Variants in RB1CC1 observed in about 807,000 individuals in gnomAD.
The protein encoded by RB1CC1 is RB1 inducible coiled-coil 1, also known as RB1-inducible coiled-coil protein 1.
Under a neutral mutation model 177.5 loss-of-function variants are expected in RB1CC1, and 46 were observed. The ratio of observed to expected loss-of-function variants is 0.26; its 90% confidence interval spans 0.20 to 0.33. The LOEUF is 0.33. RB1CC1 is among the 10% of genes least tolerant of loss of function. RB1CC1 has a pLI of 1.00. For synonymous variants in RB1CC1, 666 were observed against 613.6 expected (o/e 1.09, Z -1.26); for missense variants, 1,703 against 1,816.3 (o/e 0.94, Z 1.13).
intron 1 of RB1CC1, among the ~76,000 whole-genome samples, chr8:52,696,964 C>G (rs754739623): frequency 1.3e-5 from 2 of 152,104 alleles, no homozygotes; most frequent in Non-Finnish European, 2.9e-5. Flanking sequence ...GATCACACCA[C>G]TGTACTCCAG....
chr8:52,679,098 A>C (rs1853447554), intron 5 of RB1CC1, among the ~76,000 whole-genome samples: 1 of 152,236 alleles, frequency 6.6e-6, no homozygotes, highest in African/African-American at 2.4e-5. Context: ...AAGGGCACCC[A>C]CTGTGAAAGA....
rs891769048 is a variant in RB1CC1, at chr8:52,658,015, G to T, written c.1903C>A (p.Leu635Ile). 1.2e-6 allele frequency: 2 copies of T among 1,614,044 alleles called. No individual in the cohort carries two copies. The highest frequency in any genetic ancestry group is 1.7e-5 in the Admixed American group (1 of 60,002). Residue 635 changes from leucine (L) to isoleucine (I), a missense_variant, in exon 14 of 24, where the codon CTA becomes ATA. By Grantham distance (5) the Leu-to-Ile change is conservative. Transcript: ENST00000025008. Reference sequence around the variant, plus strand: ...GAATTTGCCTTTTGTTCACTCAGTAGATCTGTAATGGTCTGTGACATTTCA... The same window carrying T: ...GAATTTGCCTTTTGTTCACTCAGTATATCTGTAATGGTCTGTGACATTTCA... ...LDEMSQTITD[L>I]LSEQKASVSQ...
intron 22 of RB1CC1, among the ~76,000 whole-genome samples, chr8:52,627,505 CT>C (rs969221575): frequency 2.0e-5 from 3 of 151,934 alleles, no homozygotes; most frequent in Non-Finnish European, 4.4e-5. Context: ...CTATTCTGTT[CT>C]TTTTTAGTAT....
chr8:52,670,407 C>T (rs1382681340), intron 7 of RB1CC1, among the ~76,000 whole-genome samples: 2 of 152,154 alleles, frequency 1.3e-5, no homozygotes, highest in Non-Finnish European at 2.9e-5. Context: ...TACTCTTGGG[C>T]TCTTTGGCAT....
At chr8:52,654,520 T>C (rs1850912311) in intron 15 of RB1CC1, among the ~76,000 whole-genome samples, 1 of 152,242 alleles carries the variant, frequency 6.6e-6, no homozygotes. Flanking sequence ...GAAGAGATTC[T>C]TGAATCTTGT....
chr8:52,671,898 A>G (rs1293393689), intron 7 of RB1CC1, among the ~76,000 whole-genome samples: 1 of 152,186 alleles, frequency 6.6e-6, no homozygotes, highest in Non-Finnish European at 1.5e-5. Flanking sequence ...ACAACTAATG[A>G]GTACTATATT....
chr8:52,687,498 T>C (rs1032237243), intron 1 of RB1CC1, among the ~76,000 whole-genome samples: 10 of 152,192 alleles, frequency 6.6e-5, no homozygotes, highest in African/African-American at 1.7e-4. Flanking sequence ...TGGGATATCA[T>C]GTAGGTAATC....
intron 7 of RB1CC1, among the ~76,000 whole-genome samples, chr8:52,673,076 C>T (rs1256678721): frequency 6.6e-6 from 1 of 152,094 alleles, no homozygotes; most frequent in Non-Finnish European, 1.5e-5. Context: ...TTTAGGCATC[C>T]CAGACAATGT....
intron 18 of RB1CC1, among the ~76,000 whole-genome samples, chr8:52,636,710 A>G (rs1320477518): frequency 6.6e-6 from 1 of 152,160 alleles, no homozygotes; most frequent in Non-Finnish European, 1.5e-5. Flanking sequence ...TAAGAGTTTT[A>G]TAATTTTAGC....
Position 52,657,686 on chromosome 8 carries a change from G to A in RB1CC1, c.2143C>T (p.His715Tyr), listed in dbSNP as rs1409103284. ...IPHPNIEQTI[H>Y]QVSLDLDSLA... ...GAATCCAAGTCTAAAGAAACTTGGTGAATAGTCTGTTCTATGTTTGGATGG... is the reference window on the plus strand; with the variant it reads ...GAATCCAAGTCTAAAGAAACTTGGTAAATAGTCTGTTCTATGTTTGGATGG... The change falls in exon 15 of 24, where the codon CAC becomes TAC. Residue 715 changes from histidine (H) to tyrosine (Y), a missense_variant. Transcript: ENST00000025008. 5 of 1,613,980 alleles carry A rather than the reference G, an allele frequency of 3.1e-6. No individual in the cohort carries two copies. The highest frequency in any genetic ancestry group is 1.7e-5 in the Admixed American group (1 of 60,004).
chr8:52,663,109 AATC>A (rs1165955534), intron 8 of RB1CC1, among the ~76,000 whole-genome samples: 3 of 152,098 alleles, frequency 2.0e-5, no homozygotes, highest in Non-Finnish European at 2.9e-5. Context: ...AATCCTCATA[AATC>A]ATCTAGTACT....
intron 21 of RB1CC1, 56 bp from the exon 22 acceptor site, chr8:52,628,224 T>C: frequency 1.3e-6 from 2 of 1,523,346 alleles, no homozygotes; most frequent in Non-Finnish European, 1.8e-6. Flanking sequence ...CCCCCTATTC[T>C]GAAAACTTAG....
At chr8:52,658,195 T>A in intron 13 of RB1CC1, 71 bp from the exon 14 acceptor site, 1 of 1,430,452 alleles carries the variant, frequency 7.0e-7, no homozygotes, top group Non-Finnish European at 9.5e-7. Context: ...TACCAAATAT[T>A]TTAATATGTC....
At chr8:52,659,008 T>C (rs889085232) in intron 12 of RB1CC1, 32 bp from the exon 13 acceptor site, 4 of 1,348,650 alleles carry the variant, frequency 3.0e-6, no homozygotes, top group Non-Finnish European at 4.0e-6. Context: ...CTTAAAAAAT[T>C]TTTTTTCAAC....
Position 52,698,548 on chromosome 8 carries a change from G to A in RB1CC1, c.-166-11581C>T, listed in dbSNP as rs1000540715. On this transcript the variant is annotated intron_variant, in intron 1 of 23. Transcript: ENST00000025008. The stretch of plus-strand genomic sequence containing the variant: ...CAGGGTGGTCTTGATCTCCGACCTC[G>A]TGATCCGCCTGCCTCAGCCTCCCAA... 4.0e-5 allele frequency among the ~76,000 whole-genome samples: 6 copies of A among 151,848 alleles called. No individual in the cohort carries two copies. In the East Asian group the frequency reaches 7.7e-4, roughly 20 times the overall value.
At chr8:52,668,581 G>A (rs908410294) in intron 7 of RB1CC1, among the ~76,000 whole-genome samples, 1 of 152,120 alleles carries the variant, frequency 6.6e-6, no homozygotes, top group African/African-American at 2.4e-5. Flanking sequence ...CCTGGAGATA[G>A]AAGATAAAAC....
intron 21 of RB1CC1, among the ~76,000 whole-genome samples, chr8:52,629,128 C>A (rs1452533221): frequency 3.3e-5 from 5 of 152,088 alleles, no homozygotes; most frequent in Admixed American, 6.6e-5. Flanking sequence ...TACCACTAAG[C>A]CCTTTCAAAT....
At chr8:52,624,816 T>C (rs760722656) in intron 22 of RB1CC1, 29 bp from the exon 23 acceptor site, 1 of 1,401,630 alleles carries the variant, frequency 7.1e-7, no homozygotes, top group Non-Finnish European at 9.6e-7. Context: ...TAATCTCTTT[T>C]TGAAAGTATG....
chr8:52,645,399 G>A (rs913568277), intron 16 of RB1CC1, among the ~76,000 whole-genome samples: 2 of 152,134 alleles, frequency 1.3e-5, no homozygotes, highest in African/African-American at 4.8e-5. Flanking sequence ...CATAGGTAGC[G>A]AAGAAACCAG....
Sources: allele counts gnomAD v4.1 joint callset (sites outside exome capture counted in the v4.1 genomes callset), GRCh38; gene constraint gnomAD v4.1.1; transcripts MANE v1.5; gene names NCBI Gene and HGNC (gene_info 2026-07-23, HGNC 2026-07-21).